The following GABRB1 variants were observed in gnomAD, a reference collection of about 807,000 sequenced individuals.
The protein encoded by GABRB1 is gamma-aminobutyric acid receptor subunit beta-1.
Under a neutral mutation model 51.6 loss-of-function variants are expected in GABRB1, and 17 were observed. That is an observed-to-expected ratio of 0.33 (90% CI 0.23 to 0.49). The LOEUF (loss-of-function observed/expected upper bound fraction) is 0.49, where lower values mean the gene tolerates loss of function less well. GABRB1 is among the 20% of genes least tolerant of loss of function. The probability of loss-of-function intolerance (pLI) is 0.99; values close to 1 mark genes in which losing one functional copy is unlikely to be tolerated. For missense variants in GABRB1, 410 were observed against 600.6 expected, an observed-to-expected ratio of 0.68 and a Z score of 3.32; for synonymous variants, 247 against 218.9, an observed-to-expected ratio of 1.13 and a Z score of -1.14.
chr4:47,111,324 T>A (rs889511271), intron 3 of GABRB1, among the ~76,000 whole-genome samples: 3 of 151,978 alleles, frequency 2.0e-5, no homozygotes, highest in Admixed American at 6.6e-5. Context: ...GTAACAGCTA[T>A]GAGGAATAAA....
chr4:47,132,677 G>T (rs1221955612), intron 3 of GABRB1, among the ~76,000 whole-genome samples: 1 of 152,142 alleles, frequency 6.6e-6, no homozygotes, highest in Non-Finnish European at 1.5e-5. Context: ...AACGCTCAAC[G>T]AATTTCTTGA....
At chr4:47,364,426 G>GAATACTCATAA (rs1726909048) in intron 5 of GABRB1, among the ~76,000 whole-genome samples, 1 of 151,974 alleles carries the variant, frequency 6.6e-6, no homozygotes, top group African/African-American at 2.4e-5. Context: ...AGAACAAGAA[G>GAATACTCATAA]AGGAAGAGCA....
chr4:47,021,130 C>G (rs1336608450), intron 1 of GABRB1, among the ~76,000 whole-genome samples: 3 of 152,164 alleles, frequency 2.0e-5, no homozygotes, highest in Non-Finnish European at 4.4e-5. Flanking sequence ...TTCCTATCTG[C>G]CATGACCTGA....
intron 1 of GABRB1, among the ~76,000 whole-genome samples, chr4:47,025,818 A>G (rs1278697572): frequency 1.3e-5 from 2 of 151,870 alleles, no homozygotes; most frequent in East Asian, 1.9e-4. Context: ...TCCTCTTCTC[A>G]TTATCCCCTC....
intron 3 of GABRB1, among the ~76,000 whole-genome samples, chr4:47,112,124 C>T (rs1461811134): frequency 6.6e-6 from 1 of 151,876 alleles, no homozygotes; most frequent in Non-Finnish European, 1.5e-5. Flanking sequence ...CGTGTGCCAC[C>T]ATGCCTGGCT....
chr4:47,113,200 A>G (rs1715309558), intron 3 of GABRB1, among the ~76,000 whole-genome samples: 1 of 152,108 alleles, frequency 6.6e-6, no homozygotes. Context: ...AGCCTGGCTA[A>G]CATAGTGAAA....
At chr4:47,266,470 G>A (rs576003305) in intron 4 of GABRB1, among the ~76,000 whole-genome samples, 21 of 152,078 alleles carry the variant, frequency 1.4e-4, no homozygotes, top group African/African-American at 2.7e-4. Context: ...AAATGGCATC[G>A]GTATTTTGAA....
At chr4:47,319,833 G>A (rs373149608) in intron 4 of GABRB1, among the ~76,000 whole-genome samples, 1 of 152,274 alleles carries the variant, frequency 6.6e-6, no homozygotes. Context: ...TTGTTGGAAA[G>A]TTTTTAATCA....
At chr4:47,420,833 G>A (rs545717573) in intron 8 of GABRB1, among the ~76,000 whole-genome samples, 20 of 152,148 alleles carry the variant, frequency 1.3e-4, no homozygotes, top group Admixed American at 2.6e-4. Context: ...GTGGATGTCA[G>A]CAGTGGTATG....
intron 3 of GABRB1, among the ~76,000 whole-genome samples, chr4:47,081,111 T>C (rs912705251): frequency 1.3e-5 from 2 of 152,166 alleles, no homozygotes; most frequent in Non-Finnish European, 1.5e-5. Context: ...TTAAAAATAA[T>C]ACCTCCTTAA....
chr4:47,011,851 T>A (rs551757118), intron 1 of GABRB1, among the ~76,000 whole-genome samples: 3 of 152,292 alleles, frequency 2.0e-5, no homozygotes, highest in African/African-American at 7.2e-5. Flanking sequence ...ATAAAAATTC[T>A]TCCCAATCAT....
chr4:47,421,701 C>A (rs1729094206), intron 8 of GABRB1, among the ~76,000 whole-genome samples: 1 of 151,990 alleles, frequency 6.6e-6, no homozygotes. Flanking sequence ...AATGCAAGGC[C>A]CACTGTTACA....
At chr4:47,412,385 C>T (rs187769100) in intron 8 of GABRB1, among the ~76,000 whole-genome samples, 51 of 152,098 alleles carry the variant, frequency 3.4e-4, no homozygotes, top group African/African-American at 1.2e-3. Flanking sequence ...TTATAAAACT[C>T]GTACATATTC....
At chr4:47,424,123 C>G (rs1729184302) in intron 8 of GABRB1, among the ~76,000 whole-genome samples, 1 of 152,160 alleles carries the variant, frequency 6.6e-6, no homozygotes, top group Admixed American at 6.5e-5. Context: ...ATTTCTCTCT[C>G]CAACCAACTC....
intron 5 of GABRB1, among the ~76,000 whole-genome samples, chr4:47,339,484 C>A (rs1025575636): frequency 6.6e-6 from 1 of 151,836 alleles, no homozygotes; most frequent in Non-Finnish European, 1.5e-5. Flanking sequence ...TTGCATTCAA[C>A]CAATTATGAA....
intron 5 of GABRB1, among the ~76,000 whole-genome samples, chr4:47,374,900 A>G (rs993253509): frequency 6.6e-6 from 1 of 152,250 alleles, no homozygotes; most frequent in Non-Finnish European, 1.5e-5. Context: ...AGTCCAGGAA[A>G]AGAGCTTAGA....
intron 4 of GABRB1, among the ~76,000 whole-genome samples, chr4:47,195,148 C>A (rs1039146869): frequency 6.6e-6 from 1 of 152,084 alleles, no homozygotes; most frequent in Non-Finnish European, 1.5e-5. Flanking sequence ...AGGCGGATCA[C>A]GAGGTCATGA....
At chr4:47,425,377 CCACACACACACACACACACACACA>C (rs34275303) in intron 8 of GABRB1, among the ~76,000 whole-genome samples, 3 of 138,332 alleles carry the variant, frequency 2.2e-5, no homozygotes, top group African/African-American at 8.2e-5. Flanking sequence ...AGAAGAAATA[CCACACACACACACACACACACACA>C]CACACACACA....
At chr4:47,080,342 T>C (rs2109565242) in intron 3 of GABRB1, among the ~76,000 whole-genome samples, 1 of 151,962 alleles carries the variant, frequency 6.6e-6, no homozygotes, top group Admixed American at 6.5e-5. Context: ...ATGTCATTAA[T>C]TAGCTTTGCA....
Sources: gnomAD v4.1 joint callset for allele counts (sites outside exome capture counted in the v4.1 genomes callset) on GRCh38, gnomAD v4.1.1 for gene constraint, MANE v1.5 for transcripts, NCBI Gene and HGNC (gene_info 2026-07-23, HGNC 2026-07-21) for gene names.